Variants in ANKS1B observed in about 807,000 individuals in gnomAD.
The protein encoded by ANKS1B is ankyrin repeat and sterile alpha motif domain-containing protein 1B.
In ANKS1B, 36 loss-of-function variants were observed where a neutral mutation model predicts 148.3. The ratio of observed to expected loss-of-function variants is 0.24; its 90% confidence interval spans 0.19 to 0.32. The LOEUF (loss-of-function observed/expected upper bound fraction) is 0.32. Ranked by LOEUF, ANKS1B falls within the 10% of genes least tolerant of loss-of-function variation. ANKS1B has a pLI of 1.00. For missense variants in ANKS1B, 1,157 were observed against 1,542.6 expected (o/e 0.75, Z 4.19); for synonymous variants, 542 against 560.8 (o/e 0.97, Z 0.47).
At chr12:99,115,932 C>CAAAAA (rs60585792) in intron 15 of ANKS1B, among the ~76,000 whole-genome samples, 2 of 65,038 alleles carry the variant, frequency 3.1e-5, no homozygotes, top group Non-Finnish European at 7.0e-5. Context: ...GACTCCGTCT[C>CAAAAA]AAAAAAAAAA....
chr12:99,089,656 C>T (rs2053376549), intron 15 of ANKS1B, among the ~76,000 whole-genome samples: 1 of 152,126 alleles, frequency 6.6e-6, no homozygotes, highest in Admixed American at 6.6e-5. Flanking sequence ...ATTCATGTGC[C>T]TCTTAGTCAA....
chr12:99,717,211 A>G (rs894683343), intron 8 of ANKS1B, among the ~76,000 whole-genome samples: 7 of 152,164 alleles, frequency 4.6e-5, no homozygotes, highest in Non-Finnish European at 1.0e-4. Flanking sequence ...ATCTGCTCCC[A>G]ACATTAAATA....
At chr12:98,880,310 T>C (rs1191630467) in intron 17 of ANKS1B, among the ~76,000 whole-genome samples, 1 of 152,128 alleles carries the variant, frequency 6.6e-6, no homozygotes, top group Admixed American at 6.5e-5. Context: ...AGACACGTGA[T>C]GATGAAAGTC....
intron 8 of ANKS1B, among the ~76,000 whole-genome samples, chr12:99,685,714 CGTG>C (rs1250056093): frequency 6.6e-6 from 1 of 151,238 alleles, no homozygotes; most frequent in Non-Finnish European, 1.5e-5. Context: ...ATAAAGAAAA[CGTG>C]GGGTGTGTTT....
intron 22 of ANKS1B, chr12:98,795,767 T>G (rs991151016): frequency 7.6e-6 from 3 of 396,898 alleles, no homozygotes; most frequent in African/African-American, 4.2e-5. Context: ...ATTCACAGTG[T>G]GGGTAGTGGA....
At chr12:99,755,622 C>T (rs1239377515) in intron 8 of ANKS1B, among the ~76,000 whole-genome samples, 1 of 112,192 alleles carries the variant, frequency 8.9e-6, no homozygotes, top group East Asian at 2.0e-4. Context: ...AACTGACAAG[C>T]TGAATCTGGC....
intron 9 of ANKS1B, among the ~76,000 whole-genome samples, chr12:99,632,747 A>T (rs2098178033): frequency 9.2e-6 from 1 of 108,212 alleles, no homozygotes; most frequent in African/African-American, 3.3e-5. Context: ...ATATATATAT[A>T]TATATATATA....
At position 98,761,943 on chromosome 12, in the gene ANKS1B, G is replaced by A. The variant is rs142343061; in HGVS notation, c.3580-10421C>T. Among the ~76,000 whole-genome samples the A allele has an allele frequency of 1.6e-3, 245 of 152,238 alleles. 2 individuals are homozygous for A. The highest frequency in any genetic ancestry group is 5.1e-3 in the African/African-American group (213 of 41,538). On this transcript the variant is annotated intron_variant, in intron 25 of 26. Transcript: ENST00000683438. The stretch of plus-strand genomic sequence containing the variant: ...TTGCATTACCATTAGAAACACAATG[G>A]CCACATTTTCATGACTGGAATGGAA...
chr12:99,151,320 G>A (rs1220541459), intron 15 of ANKS1B, among the ~76,000 whole-genome samples: 1 of 152,058 alleles, frequency 6.6e-6, no homozygotes, highest in Non-Finnish European at 1.5e-5. Flanking sequence ...TTAAGATCAG[G>A]AGTTCTAGAC....
chr12:99,150,913 T>G (rs2074693742), intron 15 of ANKS1B, among the ~76,000 whole-genome samples: 1 of 151,964 alleles, frequency 6.6e-6, no homozygotes, highest in Non-Finnish European at 1.5e-5. Context: ...CTGGGCAGAT[T>G]TTCAGACAAA....
intron 9 of ANKS1B, among the ~76,000 whole-genome samples, chr12:99,536,856 T>C (rs1160145230): frequency 2.0e-5 from 3 of 152,136 alleles, no homozygotes; most frequent in Admixed American, 1.3e-4. Context: ...CTTACTCATT[T>C]TTTCTAAGTA....
chr12:99,060,653 TCACACACACA>T (rs35515489), intron 16 of ANKS1B, among the ~76,000 whole-genome samples: 1,519 of 126,082 alleles, frequency 0.012, 33 homozygotes, highest in African/African-American at 0.041. Flanking sequence ...TATATACACA[TCACACACACA>T]CACACACACA....
intron 9 of ANKS1B, among the ~76,000 whole-genome samples, chr12:99,516,807 A>G (rs1001572886): frequency 6.6e-6 from 1 of 152,106 alleles, no homozygotes; most frequent in African/African-American, 2.4e-5. Flanking sequence ...CACCTTTGTA[A>G]AAAATGAGTT....
intron 12 of ANKS1B, among the ~76,000 whole-genome samples, chr12:99,323,683 AT>A (rs2085754373): frequency 6.6e-6 from 1 of 152,164 alleles, no homozygotes; most frequent in Non-Finnish European, 1.5e-5. Context: ...ATGGCTTGTT[AT>A]TGAAACTAAG....
intron 8 of ANKS1B, among the ~76,000 whole-genome samples, chr12:99,735,976 C>T (rs1430841136): frequency 2.6e-5 from 4 of 151,416 alleles, no homozygotes; most frequent in Non-Finnish European, 5.9e-5. Context: ...TATGAATAAA[C>T]ATAATATATC....
intron 1 of ANKS1B, among the ~76,000 whole-genome samples, chr12:99,882,652 G>A (rs917301189): frequency 3.3e-5 from 5 of 152,134 alleles, no homozygotes; most frequent in African/African-American, 1.2e-4. Flanking sequence ...GGAAAGGGTG[G>A]GGAAGGGGGT....
Position 99,224,596 on chromosome 12 carries a change from C to A in ANKS1B, c.2419+19746G>T, listed in dbSNP as rs539498877. Reference sequence around the variant, plus strand: ...TGAGTAAAAACTCCCTGAAGCCTCCCCAGAAGCAGATGCCGCTATACTTCC... The same window carrying A: ...TGAGTAAAAACTCCCTGAAGCCTCCACAGAAGCAGATGCCGCTATACTTCC... On this transcript the variant is annotated intron_variant, in intron 14 of 26. Transcript: ENST00000683438. Among the ~76,000 whole-genome samples the A allele has an allele frequency of 2.6e-5, 4 of 152,198 alleles. No individual in the cohort carries two copies. In the East Asian group the frequency reaches 5.8e-4, roughly 22 times the overall value.
intron 21 of ANKS1B, among the ~76,000 whole-genome samples, chr12:98,799,826 C>T (rs1259829076): frequency 6.6e-6 from 1 of 152,060 alleles, no homozygotes; most frequent in African/African-American, 2.4e-5. Flanking sequence ...GGGTTTTTGC[C>T]TTTTGTCATT....
chr12:98,951,036 C>G (rs61435014), intron 17 of ANKS1B, among the ~76,000 whole-genome samples: 4,311 of 152,114 alleles, frequency 0.028, 188 homozygotes, highest in African/African-American at 0.092. Context: ...GGATCTACAA[C>G]CCCCCTGAAA....
Sources: allele counts gnomAD v4.1 joint callset (sites outside exome capture counted in the v4.1 genomes callset), GRCh38; gene constraint gnomAD v4.1.1; transcripts MANE v1.5; gene names NCBI Gene and HGNC (gene_info 2026-07-23, HGNC 2026-07-21).